Variants in ZNF644 observed in about 807,000 individuals in gnomAD.
ZNF644 encodes the protein zinc finger protein 644.
A neutral mutation model predicts 108.0 loss-of-function variants in ZNF644; 20 were observed. That is an observed-to-expected ratio of 0.19 (90% CI 0.13 to 0.27). The LOEUF (loss-of-function observed/expected upper bound fraction) is 0.27. Ranked by LOEUF, ZNF644 falls within the 10% of genes least tolerant of loss-of-function variation. The probability of loss-of-function intolerance (pLI) is 1.00; values close to 1 mark genes in which losing one functional copy is unlikely to be tolerated. For missense variants in ZNF644, 1,338 were observed against 1,548.9 expected (o/e 0.86, Z 2.29); for synonymous variants, 542 against 539.1 (o/e 1.01, Z -0.08).
At chr1:90,968,048 G>A (rs1406583326) in intron 2 of ZNF644, among the ~76,000 whole-genome samples, 1 of 114,602 alleles carries the variant, frequency 8.7e-6, no homozygotes, top group Non-Finnish European at 1.7e-5. Context: ...GTGACAGAGT[G>A]AGACTCCGTC....
intron 4 of ZNF644, among the ~76,000 whole-genome samples, chr1:90,936,423 G>A (rs548210371): frequency 6.6e-5 from 10 of 152,112 alleles, no homozygotes; most frequent in South Asian, 2.1e-4. Flanking sequence ...AGAAAAAGCC[G>A]GATTAAACAG....
At chr1:90,943,268 C>T (rs889884092) in intron 2 of ZNF644, among the ~76,000 whole-genome samples, 6 of 151,868 alleles carry the variant, frequency 4.0e-5, no homozygotes, top group Admixed American at 6.6e-5. Context: ...GGTGATACCC[C>T]GTCTCTACTA....
At chr1:90,953,142 G>C (rs1006970947) in intron 2 of ZNF644, among the ~76,000 whole-genome samples, 1 of 151,876 alleles carries the variant, frequency 6.6e-6, no homozygotes, top group Non-Finnish European at 1.5e-5. Context: ...TGTCAGACAA[G>C]GTCATTGTGC....
chr1:91,014,433 G>C (rs1195951390), intron 1 of ZNF644, among the ~76,000 whole-genome samples: 1 of 151,918 alleles, frequency 6.6e-6, no homozygotes, highest in East Asian at 1.9e-4. Context: ...GCATTTCAAA[G>C]TGTTCAAATA....
At chr1:90,945,492 T>C (rs963113115) in intron 2 of ZNF644, among the ~76,000 whole-genome samples, 1 of 152,140 alleles carries the variant, frequency 6.6e-6, no homozygotes, top group Non-Finnish European at 1.5e-5. Flanking sequence ...GATCATCACT[T>C]ATATGCCTCA....
intron 1 of ZNF644, among the ~76,000 whole-genome samples, chr1:90,993,852 A>C (rs74971273): frequency 0.02 from 3,003 of 152,242 alleles, 80 homozygotes; most frequent in African/African-American, 0.069. Context: ...TTTTCAGGAC[A>C]CTCCAAAATC....
intron 2 of ZNF644, among the ~76,000 whole-genome samples, chr1:90,970,607 G>T (rs573496621): frequency 6.6e-6 from 1 of 152,296 alleles, no homozygotes; most frequent in South Asian, 2.1e-4. Flanking sequence ...AATGGTGTGT[G>T]TGCGAATATC....
At chr1:90,992,045 CAA>C (rs1657686352) in intron 1 of ZNF644, among the ~76,000 whole-genome samples, 4 of 151,934 alleles carry the variant, frequency 2.6e-5, no homozygotes, top group South Asian at 2.1e-4. Flanking sequence ...AAACTCCAAA[CAA>C]AAAGAGTACA....
At chr1:90,946,722 A>AC (rs1331041637) in intron 2 of ZNF644, among the ~76,000 whole-genome samples, 4 of 151,572 alleles carry the variant, frequency 2.6e-5, no homozygotes, top group African/African-American at 9.7e-5. Flanking sequence ...ACAGCCAGAG[A>AC]TTTTTTTTTC....
At chr1:91,007,636 C>T (rs1012745230) in intron 1 of ZNF644, among the ~76,000 whole-genome samples, 1 of 152,156 alleles carries the variant, frequency 6.6e-6, no homozygotes, top group Admixed American at 6.5e-5. Flanking sequence ...TATCTTCCAA[C>T]CCTCTAAGAA....
chr1:90,988,366 T>C (rs952407572), intron 1 of ZNF644, among the ~76,000 whole-genome samples: 1 of 152,110 alleles, frequency 6.6e-6, no homozygotes, highest in Admixed American at 6.6e-5. Context: ...CTGAAAGCTA[T>C]AACACACTGC....
rs925737721 is a variant in ZNF644, at chr1:90,931,506, T to C, written c.3688+5979A>G. Among the ~76,000 whole-genome samples, 5 of 152,130 alleles carry C rather than the reference T, an allele frequency of 3.3e-5. 1 individual carries two copies. The highest frequency in any genetic ancestry group is 1.2e-4 in the African/African-American group (5 of 41,450). On this transcript the variant is annotated intron_variant, in intron 4 of 5. Transcript: ENST00000337393. ...GATTCTAGTCTATTTTGATAAAGATTGATCGGGGAAAGGAAGTAAAACAGC... is the reference window on the plus strand; with the variant it reads ...GATTCTAGTCTATTTTGATAAAGATCGATCGGGGAAAGGAAGTAAAACAGC...
intron 1 of ZNF644, among the ~76,000 whole-genome samples, chr1:90,983,238 C>T (rs1011741631): frequency 6.6e-6 from 1 of 151,960 alleles, no homozygotes; most frequent in Non-Finnish European, 1.5e-5. Context: ...TTCCTAGAAC[C>T]ACAGACCTAG....
intron 4 of ZNF644, among the ~76,000 whole-genome samples, chr1:90,935,117 A>C (rs965388994): frequency 7.2e-5 from 11 of 152,224 alleles, no homozygotes; most frequent in African/African-American, 2.7e-4. Flanking sequence ...TTTAAAAATC[A>C]AAAATAGTAT....
chr1:90,935,396 G>C, intron 4 of ZNF644: 1 of 985,848 alleles, frequency 1.0e-6, no homozygotes, highest in Non-Finnish European at 1.2e-6. Context: ...TGTGATATCT[G>C]TTCAAACATA....
chr1:90,957,562 T>G (rs1489082930), intron 2 of ZNF644, among the ~76,000 whole-genome samples: 1 of 152,134 alleles, frequency 6.6e-6, no homozygotes, highest in Non-Finnish European at 1.5e-5. Flanking sequence ...GAAAAAGCAT[T>G]TGACAAAATT....
chr1:90,943,788 CAT>C (rs150433859), intron 2 of ZNF644, among the ~76,000 whole-genome samples: 2,538 of 152,260 alleles, frequency 0.017, 45 homozygotes, highest in African/African-American at 0.051. Context: ...AGCACATAAA[CAT>C]GTGTTAGGAA....
intron 4 of ZNF644, 100 bp downstream of exon 4, chr1:90,937,385 G>A: frequency 6.5e-7 from 1 of 1,543,546 alleles, no homozygotes. Flanking sequence ...GCTTAAACAG[G>A]AAGATTGTGA....
At chr1:90,921,409 C>T (rs1649424137) in intron 4 of ZNF644, among the ~76,000 whole-genome samples, 1 of 151,966 alleles carries the variant, frequency 6.6e-6, no homozygotes, top group Admixed American at 6.6e-5. Context: ...GACCAAAAAA[C>T]TCCAAGGAAC....
Sources: allele counts gnomAD v4.1 joint callset (sites outside exome capture counted in the v4.1 genomes callset), GRCh38; gene constraint gnomAD v4.1.1; transcripts MANE v1.5; gene names NCBI Gene and HGNC (gene_info 2026-07-23, HGNC 2026-07-21).